GATAD2A: variants seen among roughly 807,000 people sequenced by gnomAD.
The protein encoded by GATAD2A is GATA zinc finger domain containing 2A, also known as transcriptional repressor p66-alpha.
A neutral mutation model predicts 68.5 loss-of-function variants in GATAD2A; 12 were observed. That is an observed-to-expected ratio of 0.18 (90% CI 0.11 to 0.28). The LOEUF is 0.28. Ranked by LOEUF, GATAD2A falls within the 10% of genes least tolerant of loss-of-function variation. The pLI is 1.00. For missense variants in GATAD2A, 755 were observed against 868.5 expected, an observed-to-expected ratio of 0.87 and a Z score of 1.64; for synonymous variants, 410 against 375.3, an observed-to-expected ratio of 1.09 and a Z score of -1.07.
intron 2 of GATAD2A, among the ~76,000 whole-genome samples, chr19:19,479,831 CTTTTTTTTT>C (rs35537344): frequency 1.2e-5 from 1 of 85,578 alleles, no homozygotes; most frequent in Non-Finnish European, 2.2e-5. Flanking sequence ...GTGGCCCACT[CTTTTTTTTT>C]TTTTTTTTTT....
At chr19:19,399,598 T>C (rs767356952) in intron 1 of GATAD2A, among the ~76,000 whole-genome samples, 2 of 152,194 alleles carry the variant, frequency 1.3e-5, no homozygotes, top group Non-Finnish European at 2.9e-5. Context: ...ATAAATATCT[T>C]AGTCTTCCCA....
At chr19:19,465,759 A>G in intron 2 of GATAD2A, 145 bp downstream of exon 2, 1 of 965,930 alleles carries the variant, frequency 1.0e-6, no homozygotes, top group Non-Finnish European at 1.5e-6. Flanking sequence ...GGCATCACCC[A>G]CCACTGGCAG....
At chr19:19,420,167 T>C (rs1032010587) in intron 1 of GATAD2A, among the ~76,000 whole-genome samples, 5 of 145,072 alleles carry the variant, frequency 3.4e-5, no homozygotes, top group African/African-American at 7.6e-5. Context: ...CGCACCACTA[T>C]ATCCAGCTAG....
intron 1 of GATAD2A, among the ~76,000 whole-genome samples, chr19:19,432,855 CTGAGTGAACTT>C (rs1210577638): frequency 1.3e-5 from 2 of 152,152 alleles, no homozygotes; most frequent in Non-Finnish European, 2.9e-5. Flanking sequence ...GGGCTTCACT[CTGAGTGAACTT>C]TGAGTCCACG....
Position 19,505,326 on chromosome 19 carries a change from C to T in GATAD2A, c.1775-18C>T, listed in dbSNP as rs200233687. On this transcript the variant is annotated intron_variant, in intron 11 of 11. Coordinates refer to ENST00000683918, the MANE Select transcript of GATAD2A (RefSeq NM_001384528.1). ...CCTGACGAGGGCCTTCTCAGCTGGTCGCTCTGTTCTGTTGCAGGCGGGACC... is the reference window on the plus strand; with the variant it reads ...CCTGACGAGGGCCTTCTCAGCTGGTTGCTCTGTTCTGTTGCAGGCGGGACC... 1.6e-5 allele frequency: 26 copies of T among 1,611,196 alleles called. No individual in the cohort carries two copies. The highest frequency in any genetic ancestry group is 5.5e-5 in the South Asian group (5 of 90,728).
intron 1 of GATAD2A, among the ~76,000 whole-genome samples, chr19:19,459,700 C>G (rs1033490278): frequency 6.6e-6 from 1 of 152,246 alleles, no homozygotes; most frequent in Admixed American, 6.5e-5. Flanking sequence ...TCTTGGCCCA[C>G]TGAAGCTTCT....
chr19:19,463,334 G>A (rs2057611154), intron 1 of GATAD2A, among the ~76,000 whole-genome samples: 1 of 152,176 alleles, frequency 6.6e-6, no homozygotes, highest in Non-Finnish European at 1.5e-5. Flanking sequence ...GTTCAGATGG[G>A]GTTTATGGGC....
At chr19:19,411,668 C>T (rs1434235168) in intron 1 of GATAD2A, among the ~76,000 whole-genome samples, 1 of 152,066 alleles carries the variant, frequency 6.6e-6, no homozygotes, top group Non-Finnish European at 1.5e-5. Context: ...GATCACCTGG[C>T]CTCAGCTTTC....
In GATAD2A at chr19:19,501,142, T is replaced by A; in HGVS notation, c.1229T>A (p.Val410Glu). The change falls in exon 9 of 12, where the codon GTG becomes GAG. Residue 410 changes from valine (V) to glutamate (E), a missense_variant. By Grantham distance (121) the Val-to-Glu change is moderately radical. Coordinates refer to ENST00000683918, the MANE Select transcript of GATAD2A (RefSeq NM_001384528.1). ...GCAGGCAGGATGTCGGCCGCCACTGTGCTGTCCCGGGAGCCCTACATGTGT... is the reference window on the plus strand; with the variant it reads ...GCAGGCAGGATGTCGGCCGCCACTGAGCTGTCCCGGGAGCCCTACATGTGT... Reference protein sequence around the residue: ...TQAGRMSAATVLSREPYMCAQ... With the variant: ...TQAGRMSAATELSREPYMCAQ... The A allele has an allele frequency of 6.2e-7, 1 of 1,612,332 alleles. No individual in the cohort carries two copies. The highest frequency in any genetic ancestry group is 8.5e-7 in the Non-Finnish European group (1 of 1,179,156).
upstream of GATAD2A, among the ~76,000 whole-genome samples, chr19:19,402,776 ATTTT>A (rs1400983648): frequency 8.9e-6 from 1 of 112,430 alleles, no homozygotes; most frequent in Non-Finnish European, 1.9e-5. Flanking sequence ...TGTTTTTTTG[ATTTT>A]TTTTTTTTTT....
chr19:19,435,180 A>C, intron 1 of GATAD2A: 1 of 527,200 alleles, frequency 1.9e-6, no homozygotes, highest in Non-Finnish European at 3.9e-6. Flanking sequence ...CTGTGTGAGC[A>C]TAGTACCTGG....
upstream of GATAD2A, among the ~76,000 whole-genome samples, chr19:19,404,310 G>A (rs1378062975): frequency 6.6e-6 from 1 of 151,640 alleles, no homozygotes; most frequent in Non-Finnish European, 1.5e-5. Flanking sequence ...TACATGAAGT[G>A]TTTTTCAGGT....
chr19:19,470,925 A>G (rs989197272), intron 2 of GATAD2A, among the ~76,000 whole-genome samples: 1 of 152,334 alleles, frequency 6.6e-6, no homozygotes, highest in Admixed American at 6.5e-5. Context: ...CCACACAGAC[A>G]GGTACACCTG....
intron 9 of GATAD2A, 111 bp downstream of exon 9, chr19:19,501,527 C>T: frequency 1.2e-6 from 1 of 862,740 alleles, no homozygotes; most frequent in African/African-American, 1.7e-5. Context: ...GTCTAAATTG[C>T]AGTTAATGGT....
Position 19,505,234 on chromosome 19 carries a change from C to G in GATAD2A, c.1775-110C>G. The G allele has an allele frequency of 3.9e-6, 4 of 1,034,806 alleles. No individual in the cohort carries two copies. In the East Asian group the frequency reaches 1.1e-4, roughly 28 times the overall value. The allele number at this position is 1,034,806 out of a possible 1,614,324, so 64.1% of individuals were successfully genotyped here. A position where few individuals can be genotyped will look rare whatever the true frequency, so the allele number is the denominator to read the frequency against. Reference sequence around the variant, plus strand: ...AGTGTGGGTGGGTTTGCAAGGGCTCCTGGGTCCTTAGTCTGTATTGGGGCT... The same window carrying G: ...AGTGTGGGTGGGTTTGCAAGGGCTCGTGGGTCCTTAGTCTGTATTGGGGCT... On this transcript the variant is annotated intron_variant, in intron 11 of 11. Coordinates refer to ENST00000683918, the MANE Select transcript of GATAD2A (RefSeq NM_001384528.1).
chr19:19,454,645 A>C (rs1048376876), intron 1 of GATAD2A, among the ~76,000 whole-genome samples: 1 of 150,690 alleles, frequency 6.6e-6, no homozygotes, highest in Admixed American at 6.6e-5. Flanking sequence ...TTTGTTGCCC[A>C]GGCTCATCTT....
chr19:19,495,846 C>G lies in GATAD2A; in HGVS notation c.717C>G (p.Ser239Arg). Residue 239 changes from serine to arginine, a missense_variant, in exon 6 of 12, where the codon AGC (serine) becomes AGG (arginine). Ser to Arg is a moderately radical substitution (Grantham distance 110). Transcript: ENST00000683918. ...QASSKLGPQA[S>R]SQVVMPPLVR... is the part of the protein sequence containing the mutation. ...CCTCGAAGCTGGGGCCACAGGCGAG[C>G]TCACAGGTCGTCATGCCCCCACTCG... 6.2e-7 allele frequency: 1 copy of G among 1,613,352 alleles called. No individual in the cohort carries two copies. The highest frequency in any genetic ancestry group is 1.1e-5 in the South Asian group (1 of 91,050).
chr19:19,485,427 C>T (rs1206992857), intron 2 of GATAD2A, among the ~76,000 whole-genome samples: 1 of 152,214 alleles, frequency 6.6e-6, no homozygotes, highest in Non-Finnish European at 1.5e-5. Flanking sequence ...GTGGTTTCAT[C>T]ACTCACATGT....
chr19:19,484,747 A>T (rs1286087190), intron 2 of GATAD2A, among the ~76,000 whole-genome samples: 1 of 151,856 alleles, frequency 6.6e-6, no homozygotes, highest in Non-Finnish European at 1.5e-5. Context: ...GTTAGCCAGG[A>T]TGGTCTCTAT....
Sources: gnomAD v4.1 joint callset for allele counts (sites outside exome capture counted in the v4.1 genomes callset) on GRCh38, gnomAD v4.1.1 for gene constraint, MANE v1.5 for transcripts, NCBI Gene and HGNC (gene_info 2026-07-23, HGNC 2026-07-21) for gene names.